The following INSRR variants were observed in gnomAD, a reference collection of about 807,000 sequenced individuals.
INSRR encodes the protein insulin receptor related receptor.
INSRR carries 114 observed loss-of-function variants against 130.0 expected under a neutral mutation model. That is an observed-to-expected ratio of 0.88 (90% confidence interval 0.75 to 1.02). The LOEUF (loss-of-function observed/expected upper bound fraction) is 1.02. Among genes scored for constraint, INSRR ranks in the 50% least tolerant of loss-of-function variants. The pLI, the probability that INSRR is intolerant of heterozygous loss-of-function variation, is 0.00. For missense variants in INSRR, 1,657 were observed against 1,735.2 expected (o/e 0.95, Z 0.80); for synonymous variants, 674 against 705.2 (o/e 0.96, Z 0.70).
rs752651056 is a variant in INSRR at position 156,843,203 on chromosome 1, C to A, written c.2927G>T (p.Arg976Leu). The change falls in exon 17 of 22, where the codon CGG (arginine) becomes CTG (leucine). Residue 976 changes from arginine (R) to leucine (L), a missense_variant. Transcript: ENST00000368195. ...MYVPDEWEVPREQISIIRELG... is the reference protein window; with the variant it reads ...MYVPDEWEVPLEQISIIRELG... ...TTCCCGGATTATCGAGATCTGCTCC[C>A]GAGGCACCTCCCATTCATCAGGGAC... 3.7e-6 allele frequency: 6 copies of A among 1,613,996 alleles called. No individual in the cohort carries two copies. The highest frequency in any genetic ancestry group is 1.3e-5 in the African/African-American group (1 of 74,928).
rs1037545263 is a variant in INSRR at position 156,847,670 on chromosome 1, G to A, written c.1572-913C>T. On this transcript the variant is annotated intron_variant, in intron 7 of 21. Transcript: ENST00000368195. ...AGCAGGATAGTCCAGGAGCAGGTTG[G>A]GGGGGTGGGGGCTCATAGTGGGTGT... 2.6e-5 allele frequency among the ~76,000 whole-genome samples: 4 copies of A among 152,026 alleles called. No individual in the cohort carries two copies. The East Asian group carries it at 7.7e-4, about 29-fold the overall frequency.
rs758328689 is a variant in INSRR, at chr1:156,844,180, C to G, written c.2838G>C (p.Lys946Asn). ...VLAALGFFYGKKRNRTLYASV... is the reference protein window; with the variant it reads ...VLAALGFFYGNKRNRTLYASV... ...CCGGTGGGACTTATCATCACCTCTTCTTGCCGTAGAAGAAACCAAGGGCAG... is the reference window on the plus strand; with the variant it reads ...CCGGTGGGACTTATCATCACCTCTTGTTGCCGTAGAAGAAACCAAGGGCAG... The change falls in exon 15 of 22, where the codon AAG becomes AAC. Residue 946 changes from lysine (K) to asparagine (N), a missense_variant. Coordinates refer to ENST00000368195, the MANE Select transcript of INSRR (RefSeq NM_014215.3). 3.1e-6 allele frequency: 5 copies of G among 1,612,932 alleles called. No homozygotes were observed. The highest frequency in any genetic ancestry group is 4.2e-6 in the Non-Finnish European group (5 of 1,179,180).
intron 7 of INSRR, 135 bp downstream of exon 7, chr1:156,848,786 C>A (rs1655096322): frequency 9.6e-7 from 1 of 1,044,172 alleles, no homozygotes; most frequent in African/African-American, 1.6e-5. Flanking sequence ...GGCCCTACCA[C>A]GGAGTACAAC....
intron 18 of INSRR, 63 bp downstream of exon 18, chr1:156,842,335 G>T: frequency 2.5e-6 from 4 of 1,612,708 alleles, no homozygotes; most frequent in Non-Finnish European, 3.4e-6. Context: ...TCCAGAACTG[G>T]CCCCCACCTC....
Position 156,841,110 on chromosome 1 carries a change from G to T in INSRR, c.3663-6C>A. 1 of 1,554,758 alleles carries T rather than the reference G, an allele frequency of 6.4e-7. No homozygotes were observed. Among genetic ancestry groups the T allele is most frequent in the Non-Finnish European group, 8.7e-7 (1 of 1,148,176 alleles). Reference sequence around the variant, plus strand: ...AGCGGCTCATCAGCTCCTGCCTGGTGGGTGTGGGGAGCAGGGTCAGAGGCA... The same window carrying T: ...AGCGGCTCATCAGCTCCTGCCTGGTTGGTGTGGGGAGCAGGGTCAGAGGCA... On this transcript the variant is annotated splice_region_variant and splice_polypyrimidine_tract_variant and intron_variant, in intron 21 of 21. Coordinates refer to ENST00000368195, the MANE Select transcript of INSRR (RefSeq NM_014215.3).
chr1:156,849,057 G>C lies in INSRR; in HGVS notation c.1445-10C>G. The stretch of plus-strand genomic sequence containing the variant: ...AGGGTGCGAGTCTGGCCTGGGTGGG[G>C]CGAGGGGCCTGCTCGCAACCGCGCC... On this transcript the variant is annotated splice_polypyrimidine_tract_variant and intron_variant, in intron 6 of 21. Transcript: ENST00000368195. 6.2e-7 allele frequency: 1 copy of C among 1,611,406 alleles called. No homozygotes were observed. The highest frequency in any genetic ancestry group is 8.5e-7 in the Non-Finnish European group (1 of 1,179,102).
chr1:156,858,891 G>T lies in INSRR; in HGVS notation c.-270C>A. ...GGGGACAGAGATGCAGACAGTGACAGGGAGAGTCTCGGGCCTCCAGAGGGA... is the reference window on the plus strand; with the variant it reads ...GGGGACAGAGATGCAGACAGTGACATGGAGAGTCTCGGGCCTCCAGAGGGA... On this transcript the variant is annotated 5_prime_UTR_variant, in exon 1 of 22. The change creates a new upstream start codon in the 5' untranslated region. Transcript: ENST00000368195. The T allele has an allele frequency of 2.0e-6, 1 of 492,156 alleles. No individual in the cohort carries two copies. The allele number at this position is 492,156 out of a possible 1,614,324, so 30.5% of individuals were successfully genotyped here.
chr1:156,846,728 C>A lies in INSRR; in HGVS notation c.1601G>T (p.Gly534Val), dbSNP rs760632037. 6.2e-7 allele frequency: 1 copy of A among 1,614,070 alleles called. No individual in the cohort carries two copies. Among genetic ancestry groups the A allele is most frequent in the Non-Finnish European group, 8.5e-7 (1 of 1,180,022 alleles). ...SPFQNATEHV[G>V]PDACGTQSWN... The stretch of plus-strand genomic sequence containing the variant: ...GCTCTGGGTTCCACAAGCATCTGGA[C>A]CCACGTGCTCTGTGGCGTTCTGGAA... Residue 534 changes from glycine (G) to valine (V), a missense_variant, in exon 8 of 22, where the codon GGT becomes GTT. Transcript: ENST00000368195.
chr1:156,843,555 G>A, intron 15 of INSRR, 76 bp from the exon 16 acceptor site: 1 of 1,448,322 alleles, frequency 6.9e-7, no homozygotes, highest in Non-Finnish European at 9.7e-7. Context: ...AAGGAAGAAG[G>A]ACATTTCAAG....
intron 2 of INSRR, among the ~76,000 whole-genome samples, chr1:156,852,443 G>T (rs889918903): frequency 3.3e-5 from 5 of 152,242 alleles, no homozygotes; most frequent in Non-Finnish European, 7.3e-5. Context: ...ACAGAGCAGT[G>T]ACCTTGTCCA....
In INSRR at chr1:156,844,233, CA is replaced by C. The variant is rs746253332; in HGVS notation, c.2784del (p.Val929TrpfsTer28). The C allele has an allele frequency of 3.1e-6, 5 of 1,613,856 alleles. No homozygotes were observed. Among genetic ancestry groups the C allele is most frequent in the Non-Finnish European group, 3.4e-6 (4 of 1,179,994 alleles). ...AGAACGATGAGCAGCGTGAGCCCCA[CA>C]GGGGTGGCAGTGAGGAGGACATGCA... ...GGLHVLLTATPVGLTLLIVLA... is the reference protein window; with the variant it reads ...GGLHVLLTATXVGLTLLIVLA... On this transcript the variant is annotated frameshift_variant, in exon 15 of 22. Transcript: ENST00000368195. LOFTEE classifies it high-confidence loss of function.
intron 8 of INSRR, 59 bp downstream of exon 8, chr1:156,846,460 C>A (rs1655011999): frequency 8.8e-6 from 12 of 1,365,004 alleles, no homozygotes; most frequent in Non-Finnish European, 1.2e-5. Context: ...GGTGCCTGTG[C>A]TCCCCTGTTC....
chr1:156,852,956 A>G (rs1412325774), intron 2 of INSRR, among the ~76,000 whole-genome samples: 3 of 151,860 alleles, frequency 2.0e-5, no homozygotes, highest in African/African-American at 7.3e-5. Context: ...GCTGAGTGGA[A>G]AAGACCACCA....
intron 21 of INSRR, 28 bp from the exon 22 acceptor site, chr1:156,841,132 G>A: frequency 2.6e-6 from 4 of 1,515,960 alleles, no homozygotes; most frequent in Non-Finnish European, 3.6e-6. Context: ...CAGGGTCAGA[G>A]GCATCCGGGA....
chr1:156,846,908 G>A (rs757901641), intron 7 of INSRR, 151 bp from the exon 8 acceptor site: 5 of 647,546 alleles, frequency 7.7e-6, no homozygotes, highest in Non-Finnish European at 1.4e-5. Flanking sequence ...CCTTGGCAAG[G>A]GGGGGCGGAG....
At chr1:156,855,906 C>T (rs1035459027) in intron 1 of INSRR, among the ~76,000 whole-genome samples, 1 of 151,792 alleles carries the variant, frequency 6.6e-6, no homozygotes, top group African/African-American at 2.4e-5. Flanking sequence ...ATTCTTAACA[C>T]TGACTAATGT....
In INSRR at chr1:156,840,971, G is replaced by A. The variant is rs35627952; in HGVS notation, c.3796C>T (p.Arg1266Trp). Residue 1266 changes from arginine (R) to tryptophan (W), a missense_variant, in exon 22 of 22, where the codon CGG becomes TGG. Physicochemically the swap from Arg to Trp is moderately radical, Grantham distance 101. Coordinates refer to ENST00000368195, the MANE Select transcript of INSRR (RefSeq NM_014215.3). ...LLSFYYSPEC[R>W]GARGSLPTTD... ...GTAGGCAGGGAGCCCCGGGCCCCCC[G>A]GCATTCCGGGCTGTAGTAGAAGGAG... The A allele has an allele frequency of 8.6e-5, 139 of 1,613,732 alleles. No individual in the cohort carries two copies. The East Asian group carries it at 1.9e-3, about 23-fold the overall frequency.
chr1:156,853,996 A>G lies in INSRR; in HGVS notation c.393T>C (p.Leu131=). ...GCACAGCCCCACGCAGCACGGCCCC[A>G]AGTGCAGGCAGTGCCACGTCACGCA... ...PHLRDVALPA[L]GAVLRGAVRV... The change falls in exon 2 of 22, where the codon CTT becomes CTC. Residue 131 remains leucine (L), a synonymous_variant. Transcript: ENST00000368195. The G allele has an allele frequency of 6.2e-7, 1 of 1,613,674 alleles. No individual in the cohort carries two copies. Among genetic ancestry groups the G allele is most frequent in the Non-Finnish European group, 8.5e-7 (1 of 1,179,714 alleles).
At chr1:156,842,676 T>C (rs984008906) in intron 17 of INSRR, among the ~76,000 whole-genome samples, 168 bp from the exon 18 acceptor site, 3 of 152,144 alleles carry the variant, frequency 2.0e-5, no homozygotes. Flanking sequence ...CCCTAACCCA[T>C]GACCTTCATC....
Sources: allele counts gnomAD v4.1 joint callset (sites outside exome capture counted in the v4.1 genomes callset), GRCh38; gene constraint gnomAD v4.1.1; transcripts MANE v1.5; gene names NCBI Gene and HGNC (gene_info 2026-07-23, HGNC 2026-07-21).